Variants in JARID2 observed in about 807,000 individuals in gnomAD.
The protein encoded by JARID2 is protein Jumonji.
A neutral mutation model predicts 125.6 loss-of-function variants in JARID2; 21 were observed. The ratio of observed to expected loss-of-function variants is 0.17; its 90% confidence interval spans 0.12 to 0.24. The LOEUF (loss-of-function observed/expected upper bound fraction) is 0.24, where lower values mean the gene tolerates loss of function less well. JARID2 is among the 10% of genes least tolerant of loss of function. JARID2 has a pLI of 1.00. For synonymous variants in JARID2, 736 were observed against 661.6 expected (o/e 1.11, Z -1.73); for missense variants, 1,303 against 1,639.6 (o/e 0.79, Z 3.55).
At chr6:15,300,308 AG>A (rs765072369) in intron 1 of JARID2, among the ~76,000 whole-genome samples, 1 of 152,232 alleles carries the variant, frequency 6.6e-6, no homozygotes, top group Non-Finnish European at 1.5e-5. Flanking sequence ...GTATATTTTA[AG>A]GAAAGGTGTA....
At chr6:15,472,167 C>CTAGGTG (rs1769107632) in intron 5 of JARID2, among the ~76,000 whole-genome samples, 1 of 151,854 alleles carries the variant, frequency 6.6e-6, no homozygotes, top group Non-Finnish European at 1.5e-5. Context: ...GCTGGGAAGA[C>CTAGGTG]TAGGTGGAAT....
chr6:15,408,923 A>G (rs1765761234), intron 2 of JARID2, among the ~76,000 whole-genome samples: 1 of 150,410 alleles, frequency 6.6e-6, no homozygotes, highest in East Asian at 1.9e-4. Flanking sequence ...GTATGTTTCT[A>G]TTTCTGTATT....
chr6:15,414,610 C>T (rs1766047977), intron 3 of JARID2, among the ~76,000 whole-genome samples: 1 of 152,100 alleles, frequency 6.6e-6, no homozygotes, highest in East Asian at 1.9e-4. Context: ...AAAGCCAGTC[C>T]CCCTTCAGAA....
chr6:15,280,413 T>G (rs1424963465), intron 1 of JARID2, among the ~76,000 whole-genome samples: 1 of 152,136 alleles, frequency 6.6e-6, no homozygotes, highest in African/African-American at 2.4e-5. Flanking sequence ...CCGTGTTCCT[T>G]CCTCCTCCTG....
intron 4 of JARID2, among the ~76,000 whole-genome samples, chr6:15,453,852 C>T (rs983812684): frequency 6.6e-6 from 1 of 152,064 alleles, no homozygotes; most frequent in Non-Finnish European, 1.5e-5. Context: ...GCCCTCAGTC[C>T]TGGAATTGGC....
intron 2 of JARID2, among the ~76,000 whole-genome samples, chr6:15,389,686 G>A (rs1276732135): frequency 6.6e-6 from 1 of 152,176 alleles, no homozygotes; most frequent in Non-Finnish European, 1.5e-5. Flanking sequence ...GGAAAATGTT[G>A]GCAAACTCTT....
chr6:15,267,765 G>T (rs1760144027), intron 1 of JARID2, among the ~76,000 whole-genome samples: 1 of 152,110 alleles, frequency 6.6e-6, no homozygotes, highest in African/African-American at 2.4e-5. Flanking sequence ...TATGCAGTAG[G>T]GGGTTTTTGG....
intron 1 of JARID2, among the ~76,000 whole-genome samples, chr6:15,286,546 G>A (rs138435036): frequency 1.3e-5 from 2 of 150,952 alleles, no homozygotes; most frequent in Non-Finnish European, 3.0e-5. Context: ...TACAGTGCCC[G>A]GCTCATTGCA....
chr6:15,518,093 T>C (rs1158577945), intron 17 of JARID2, among the ~76,000 whole-genome samples: 1 of 152,258 alleles, frequency 6.6e-6, no homozygotes, highest in Non-Finnish European at 1.5e-5. Context: ...TCAAAGAGCA[T>C]GCTGGGTGAA....
intron 3 of JARID2, among the ~76,000 whole-genome samples, chr6:15,432,967 C>G (rs1342781028): frequency 2.0e-5 from 3 of 152,208 alleles, no homozygotes; most frequent in Non-Finnish European, 4.4e-5. Flanking sequence ...CACAGACTGG[C>G]TAGGTCCTGC....
chr6:15,343,303 A>C (rs1389014148), intron 1 of JARID2, among the ~76,000 whole-genome samples: 1 of 151,706 alleles, frequency 6.6e-6, no homozygotes, highest in Non-Finnish European at 1.5e-5. Context: ...AAAAAAAAAA[A>C]AGCTCATGAG....
At chr6:15,458,323 T>A (rs1489871448) in intron 4 of JARID2, among the ~76,000 whole-genome samples, 1 of 152,212 alleles carries the variant, frequency 6.6e-6, no homozygotes, top group Non-Finnish European at 1.5e-5. Context: ...AGGGGACTCC[T>A]GAAGCATGCA....
At chr6:15,432,298 C>T (rs749423889) in intron 3 of JARID2, among the ~76,000 whole-genome samples, 25 of 152,010 alleles carry the variant, frequency 1.6e-4, no homozygotes, top group Non-Finnish European at 2.4e-4. Context: ...CATGGTGGCT[C>T]ACGCCTATAA....
intron 1 of JARID2, among the ~76,000 whole-genome samples, chr6:15,277,073 A>G (rs1014737711): frequency 6.6e-6 from 1 of 152,172 alleles, no homozygotes; most frequent in East Asian, 1.9e-4. Flanking sequence ...ATTTTTTTCC[A>G]TGGTAGTAAC....
At chr6:15,517,112 C>T (rs529247405) in intron 16 of JARID2, 49 bp from the exon 17 acceptor site, 107 of 1,393,886 alleles carry the variant, frequency 7.7e-5, no homozygotes, top group Middle Eastern at 1.8e-4. Context: ...CCTCCCAGGG[C>T]GCTGTGGAGC....
intron 6 of JARID2, among the ~76,000 whole-genome samples, chr6:15,492,436 T>C (rs931436649): frequency 9.8e-5 from 15 of 152,308 alleles, no homozygotes; most frequent in Admixed American, 7.2e-4. Flanking sequence ...GTGGTTTTAA[T>C]TGATACAGAG....
intron 5 of JARID2, among the ~76,000 whole-genome samples, chr6:15,477,281 C>T (rs979604095): frequency 4.6e-5 from 7 of 152,010 alleles, no homozygotes; most frequent in Non-Finnish European, 1.0e-4. Flanking sequence ...TTTGTCTGGG[C>T]GGTGGGGTGT....
At chr6:15,439,478 A>G (rs138520865) in intron 3 of JARID2, among the ~76,000 whole-genome samples, 70 of 152,314 alleles carry the variant, frequency 4.6e-4, no homozygotes, top group African/African-American at 1.4e-3. Context: ...TACGATGGAT[A>G]TGTGGCTGCA....
Position 15,466,191 on chromosome 6 carries a change from G to C in JARID2, c.494-2351G>C, listed in dbSNP as rs529916431. Among the ~76,000 whole-genome samples the C allele has an allele frequency of 6.0e-4, 91 of 152,268 alleles. 1 individual carries two copies. The highest frequency in any genetic ancestry group is 5.0e-4 in the Non-Finnish European group (34 of 68,026). ...ACAGAGGGGAGAGAGGAAGGCTGGA[G>C]GGGTGATGGCCCTCCTCTTGAAATA... On this transcript the variant is annotated intron_variant, in intron 4 of 17. Coordinates refer to ENST00000341776, the MANE Select transcript of JARID2 (RefSeq NM_004973.4).
Sources: gnomAD v4.1 joint callset for allele counts (sites outside exome capture counted in the v4.1 genomes callset) on GRCh38, gnomAD v4.1.1 for gene constraint, MANE v1.5 for transcripts, NCBI Gene and HGNC (gene_info 2026-07-23, HGNC 2026-07-21) for gene names.